The following GMFG variants were observed in gnomAD, a reference collection of about 807,000 sequenced individuals.
The protein encoded by GMFG is glia maturation factor gamma.
Under a neutral mutation model 26.1 loss-of-function variants are expected in GMFG, and 21 were observed. That is an observed-to-expected ratio of 0.80 (90% CI 0.57 to 1.16). The LOEUF (loss-of-function observed/expected upper bound fraction) is 1.16. Among genes scored for constraint, GMFG ranks in the 50% most tolerant of loss-of-function variants. The pLI is 0.00. For missense variants in GMFG, 161 were observed against 178.3 expected (o/e 0.90, Z 0.55); for synonymous variants, 65 against 60.8 (o/e 1.07, Z -0.32).
intron 4 of GMFG, among the ~76,000 whole-genome samples, chr19:39,332,519 A>C (rs2075230723): frequency 6.6e-6 from 1 of 151,124 alleles, no homozygotes; most frequent in Non-Finnish European, 1.5e-5. Context: ...ACAAAAACTC[A>C]ACAAAGTTTG....
chr19:39,333,787 AAGC>A (rs2075236919), intron 3 of GMFG, among the ~76,000 whole-genome samples: 1 of 152,092 alleles, frequency 6.6e-6, no homozygotes, highest in Admixed American at 6.6e-5. Flanking sequence ...CACAGATAGA[AAGC>A]AGCAGAGTTG....
At chr19:39,332,196 G>C (rs533754124) in intron 4 of GMFG, among the ~76,000 whole-genome samples, 1 of 151,946 alleles carries the variant, frequency 6.6e-6, no homozygotes, top group Non-Finnish European at 1.5e-5. Context: ...CAGACATGGT[G>C]GTGGGCCCCT....
Position 39,335,447 on chromosome 19 carries a change from C to T in GMFG, c.88G>A (p.Ala30Thr). The change falls in exon 2 of 7, where the codon GCA (alanine) becomes ACA (threonine). Residue 30 changes from alanine to threonine, a missense_variant. Physicochemically the swap from Ala to Thr is moderately conservative, Grantham distance 58. Transcript: ENST00000597595. ...AGATGTCACTCACTTATGATGGCTG[C>T]ATTGTCTGTCTCTTTTCGGAAGCGG... ...KFRFRKETDN[A>T]AIIMKVDKDR... is the part of the protein sequence containing the mutation. 1 of 1,612,666 alleles carries T rather than the reference C, an allele frequency of 6.2e-7. No individual in the cohort carries two copies. The highest frequency in any genetic ancestry group is 8.5e-7 in the Non-Finnish European group (1 of 1,178,630).
chr19:39,335,146 C>T lies in GMFG; in HGVS notation c.150+115G>A, dbSNP rs537497572. On this transcript the variant is annotated intron_variant, in intron 3 of 6. Transcript: ENST00000597595. ...GATTACAGGCATGAGCCACTGTGCT[C>T]GGCCAATCTCCAGGTCTTTCTACCC... 3.1e-4 allele frequency: 251 copies of T among 811,816 alleles called. 1 individual carries two copies. The highest frequency in any genetic ancestry group is 9.3e-4 in the Admixed American group (37 of 39,810). The allele number at this position is 811,816 out of a possible 1,614,324, so 50.3% of individuals were successfully genotyped here.
chr19:39,333,990 C>T (rs923393281), intron 3 of GMFG, among the ~76,000 whole-genome samples: 16 of 149,766 alleles, frequency 1.1e-4, no homozygotes, highest in Non-Finnish European at 1.9e-4. Context: ...AGGTCTACCC[C>T]CTTTTTTTTT....
At chr19:39,333,510 G>A (rs2075235637) in intron 3 of GMFG, among the ~76,000 whole-genome samples, 1 of 151,304 alleles carries the variant, frequency 6.6e-6, no homozygotes, top group African/African-American at 2.4e-5. Context: ...AACCCGGGAG[G>A]CGGAGGTTGC....
chr19:39,335,874 C>G (rs987579081), intron 1 of GMFG, 100 bp downstream of exon 1: 1 of 836,094 alleles, frequency 1.2e-6, no homozygotes, highest in African/African-American at 1.7e-5. Context: ...CTTCCCGGCC[C>G]GTGACCTCCA....
chr19:39,334,303 A>T (rs2075239903), intron 3 of GMFG, among the ~76,000 whole-genome samples: 1 of 152,056 alleles, frequency 6.6e-6, no homozygotes, highest in Non-Finnish European at 1.5e-5. Context: ...GGCGTGAGCC[A>T]CGGCACCCAG....
chr19:39,329,092 A>G lies in GMFG; in HGVS notation c.284-19T>C. On this transcript the variant is annotated intron_variant, in intron 5 of 6. Coordinates refer to ENST00000597595, the MANE Select transcript of GMFG (RefSeq NM_004877.4). ...TTGCAGCCTGCGTGGAAAAGAGGAG[A>G]AAGGCACATCAGTGGGGACCCAGGC... 1.9e-6 allele frequency: 3 copies of G among 1,587,720 alleles called. No homozygotes were observed. In the East Asian group the frequency reaches 6.7e-5, roughly 35 times the overall value.
intron 6 of GMFG, 183 bp from the exon 7 acceptor site, chr19:39,328,731 T>C (rs905349915): frequency 1.6e-6 from 1 of 608,194 alleles, no homozygotes; most frequent in Non-Finnish European, 2.9e-6. Context: ...ATACAAAAAG[T>C]AGCCAGGTGT....
Position 39,328,516 on chromosome 19 carries a change from A to T in GMFG, c.390T>A (p.Thr130=), listed in dbSNP as rs779632252. ...VFEIRTTDDL[T]EAWLQEKLSF... Reference sequence around the variant, plus strand: ...ACAACTTTTCTTGGAGCCAGGCCTCAGTGAGGTCATCAGTGGTGCGGATTT... The same window carrying T: ...ACAACTTTTCTTGGAGCCAGGCCTCTGTGAGGTCATCAGTGGTGCGGATTT... Residue 130 remains threonine (T), a synonymous_variant, in exon 7 of 7, where the codon ACT becomes ACA. Coordinates refer to ENST00000597595, the MANE Select transcript of GMFG (RefSeq NM_004877.4). 20 of 1,613,298 alleles carry T rather than the reference A, an allele frequency of 1.2e-5. No individual in the cohort carries two copies. In the African/African-American group the frequency reaches 2.7e-4, roughly 22 times the overall value.
At chr19:39,330,107 T>C (rs1002298182) in intron 4 of GMFG, among the ~76,000 whole-genome samples, 17 of 152,132 alleles carry the variant, frequency 1.1e-4, no homozygotes, top group Non-Finnish European at 1.9e-4. Context: ...ATAGTGCTCA[T>C]TTGACTCACA....
intron 4 of GMFG, among the ~76,000 whole-genome samples, chr19:39,332,207 G>A (rs2075229182): frequency 2.0e-5 from 3 of 151,862 alleles, no homozygotes; most frequent in South Asian, 4.2e-4. Context: ...GTGGGCCCCT[G>A]TAATCCCAGC....
At chr19:39,329,677 T>A in intron 4 of GMFG, 51 bp from the exon 5 acceptor site, 1 of 1,123,090 alleles carries the variant, frequency 8.9e-7, no homozygotes, top group Non-Finnish European at 1.4e-6. Flanking sequence ...AGCCCAGGCT[T>A]AACAGCCATT....
chr19:39,330,803 T>G (rs2075223362), intron 4 of GMFG, among the ~76,000 whole-genome samples: 1 of 152,148 alleles, frequency 6.6e-6, no homozygotes, highest in African/African-American at 2.4e-5. Context: ...TTTCACCATG[T>G]TGCCCAGGCT....
In GMFG at chr19:39,333,119, G is replaced by C. The variant is rs1340807216; in HGVS notation, c.158C>G (p.Ser53Cys). 1 of 1,572,708 alleles carries C rather than the reference G, an allele frequency of 6.4e-7. No homozygotes were observed. Among genetic ancestry groups the C allele is most frequent in the Non-Finnish European group, 8.7e-7 (1 of 1,152,020 alleles). The change falls in exon 4 of 7, where the codon TCC (serine) becomes TGC (cysteine). Residue 53 changes from serine (S) to cysteine (C), a missense_variant. Coordinates refer to ENST00000597595, the MANE Select transcript of GMFG (RefSeq NM_004877.4). ...VVLEEEFQNISPEELKMELPE... is the reference protein window; with the variant it reads ...VVLEEEFQNICPEELKMELPE... ...CAACTCCATTTTGAGCTCCTCTGGGGAAATGTTCTGAGGCAAGAAAACAGA... is the reference window on the plus strand; with the variant it reads ...CAACTCCATTTTGAGCTCCTCTGGGCAAATGTTCTGAGGCAAGAAAACAGA...
chr19:39,332,078 C>T (rs1217295435), intron 4 of GMFG, among the ~76,000 whole-genome samples: 1 of 151,560 alleles, frequency 6.6e-6, no homozygotes, highest in East Asian at 2.0e-4. Context: ...CGCGGTGGCT[C>T]ACGCCTGTAA....
At chr19:39,328,801 C>T in intron 6 of GMFG, 199 bp downstream of exon 6, 1 of 618,532 alleles carries the variant, frequency 1.6e-6, no homozygotes. Context: ...TTGCTTGAAC[C>T]CAGGAGGAGG....
intron 3 of GMFG, among the ~76,000 whole-genome samples, chr19:39,334,469 T>C (rs1420064667): frequency 6.6e-6 from 1 of 151,816 alleles, no homozygotes; most frequent in Non-Finnish European, 1.5e-5. Flanking sequence ...GGTGTTACCA[T>C]GTTGCCCAGG....
Sources: gnomAD v4.1 joint callset for allele counts (sites outside exome capture counted in the v4.1 genomes callset) on GRCh38, gnomAD v4.1.1 for gene constraint, MANE v1.5 for transcripts, NCBI Gene and HGNC (gene_info 2026-07-23, HGNC 2026-07-21) for gene names.